TCF4: variants seen among roughly 807,000 people sequenced by gnomAD.
TCF4 encodes the protein transcription factor 4.
Under a neutral mutation model 82.1 loss-of-function variants are expected in TCF4, and 3 were observed. The observed-to-expected ratio is 0.04, with a 90% CI of 0.02 to 0.09. The LOEUF (loss-of-function observed/expected upper bound fraction) is 0.09, where lower values mean the gene tolerates loss of function less well. Ranked by LOEUF, TCF4 falls within the 10% of genes least tolerant of loss-of-function variation. TCF4 has a pLI of 1.00. For missense variants in TCF4, 518 were observed against 852.7 expected, an observed-to-expected ratio of 0.61 and a Z score of 4.89; for synonymous variants, 276 against 309.6, an observed-to-expected ratio of 0.89 and a Z score of 1.14.
At chr18:55,569,017 A>G (rs963191325) in intron 3 of TCF4, among the ~76,000 whole-genome samples, 4 of 152,182 alleles carry the variant, frequency 2.6e-5, no homozygotes, top group African/African-American at 9.6e-5. Flanking sequence ...ATGTAGAAAA[A>G]GTATTTGATA....
rs765415861 is a variant in TCF4, at chr18:55,622,503, T to TAAA, written c.286+8792_286+8794dup. Among the ~76,000 whole-genome samples, 31 of 110,560 alleles carry TAAA rather than the reference T, an allele frequency of 2.8e-4. No individual in the cohort carries two copies. In the South Asian group the frequency reaches 3.9e-3, roughly 14 times the overall value. The allele number at this position is 110,560 out of a possible 152,430, so 72.5% of individuals were successfully genotyped here. ...CTGGCAACAGAGCGAGACTCAATCT[T>TAAA]AAAAAAAAAAAAAAAAAAAAAAGTA... On this transcript the variant is annotated intron_variant, in intron 2 of 20. Transcript: ENST00000398339.
intron 6 of TCF4, among the ~76,000 whole-genome samples, chr18:55,372,780 T>G (rs1486857166): frequency 6.6e-6 from 1 of 152,060 alleles, no homozygotes; most frequent in African/African-American, 2.4e-5. Flanking sequence ...AACCTCAACA[T>G]GAGAGGTAAA....
chr18:55,446,712 C>T (rs1191581161), intron 5 of TCF4, among the ~76,000 whole-genome samples: 3 of 152,104 alleles, frequency 2.0e-5, no homozygotes, highest in African/African-American at 2.4e-5. Context: ...AGGCCAGGCG[C>T]GGTGACTCAC....
intron 9 of TCF4, among the ~76,000 whole-genome samples, chr18:55,276,714 C>T (rs1051255309): frequency 3.9e-5 from 6 of 152,152 alleles, no homozygotes; most frequent in African/African-American, 1.4e-4. Context: ...TAGGTATACA[C>T]TAGGCCATCA....
At chr18:55,590,253 G>T (rs977722783), upstream of TCF4, among the ~76,000 whole-genome samples, 3 of 152,220 alleles carry the variant, frequency 2.0e-5, no homozygotes, top group Admixed American at 1.3e-4. Context: ...TGTGGAGCCA[G>T]ATTTCTCAGC....
At chr18:55,317,272 T>C (rs763484489) in intron 8 of TCF4, among the ~76,000 whole-genome samples, 3 of 152,052 alleles carry the variant, frequency 2.0e-5, no homozygotes, top group Non-Finnish European at 4.4e-5. Flanking sequence ...ATTGAACCAG[T>C]GGGGAATTTA....
chr18:55,374,269 T>C (rs2090144136), intron 6 of TCF4, among the ~76,000 whole-genome samples: 1 of 151,388 alleles, frequency 6.6e-6, no homozygotes, highest in Non-Finnish European at 1.5e-5. Flanking sequence ...TTAAATATGA[T>C]GAATTAATAA....
Position 55,585,093 on chromosome 18 carries a change from T to C in TCF4, c.145+187A>G, listed in dbSNP as rs200205345. 5.9e-5 allele frequency among the ~76,000 whole-genome samples: 9 copies of C among 152,312 alleles called. No homozygotes were observed. In the East Asian group the frequency reaches 1.3e-3, roughly 23 times the overall value. On this transcript the variant is annotated intron_variant, in intron 3 of 19. Transcript: ENST00000354452. ...TTTCCTTGACTTAAAAAAAAAGACCTAATTTTAATCGCACAAGATAACATT... is the reference window on the plus strand; with the variant it reads ...TTTCCTTGACTTAAAAAAAAAGACCCAATTTTAATCGCACAAGATAACATT...
rs80125040 is a variant in TCF4 at position 55,574,184 on chromosome 18, C to T, written c.145+11096G>A. On this transcript the variant is annotated intron_variant, in intron 3 of 19. Transcript: ENST00000354452. ...TTCCATAAGCATTCAAATCCATTCGCCTTCCTTTATATTCACATAGAACAT... is the reference window on the plus strand; with the variant it reads ...TTCCATAAGCATTCAAATCCATTCGTCTTCCTTTATATTCACATAGAACAT... 6.8e-4 allele frequency among the ~76,000 whole-genome samples: 103 copies of T among 152,172 alleles called. 1 individual carries two copies. Among genetic ancestry groups the T allele is most frequent in the Middle Eastern group, 6.8e-3 (2 of 294 alleles).
intron 8 of TCF4, chr18:55,322,391 C>G: frequency 1.0e-6 from 1 of 959,982 alleles, no homozygotes; most frequent in Non-Finnish European, 1.2e-6. Flanking sequence ...CCTGAGAACT[C>G]GACTCGGAGA....
rs1361444592 is a variant in TCF4, at chr18:55,365,191, A to ATATATG, written c.370-14189_370-14188insCATATA. ...TATATATATATATATATATATATAT[A>ATATATG]TGTGTGTGTGTGTGTGTGTATATAT... On this transcript the variant is annotated intron_variant, in intron 6 of 19. Coordinates refer to ENST00000354452, the MANE Select transcript of TCF4 (RefSeq NM_001083962.2). Among the ~76,000 whole-genome samples, 424 of 97,854 alleles carry ATATATG rather than the reference A, an allele frequency of 4.3e-3. 2 individuals are homozygous for ATATATG. Among genetic ancestry groups the ATATATG allele is most frequent in the African/African-American group, 0.01 (204 of 19,814 alleles). The allele number at this position is 97,854 out of a possible 152,430, so 64.2% of individuals were successfully genotyped here.
At position 55,442,599 on chromosome 18, in the gene TCF4, T is replaced by A. The variant is rs534395536; in HGVS notation, c.304+18420A>T. On this transcript the variant is annotated intron_variant, in intron 5 of 19. Coordinates refer to ENST00000354452, the MANE Select transcript of TCF4 (RefSeq NM_001083962.2). ...GGGTGCCAATGCAAAAAATAACACA[T>A]AGGAAGTCAGGATGATTTTTAAAAG... Among the ~76,000 whole-genome samples the A allele has an allele frequency of 4.6e-5, 7 of 152,234 alleles. No individual in the cohort carries two copies. The South Asian group carries it at 1.5e-3, about 32-fold the overall frequency.
chr18:55,619,970 G>A (rs1227472352), intron 2 of TCF4, among the ~76,000 whole-genome samples: 1 of 152,134 alleles, frequency 6.6e-6, no homozygotes, highest in Non-Finnish European at 1.5e-5. Context: ...ACGTGCCAAG[G>A]GAGAGACCAG....
chr18:55,370,419 T>C (rs978396672), intron 6 of TCF4, among the ~76,000 whole-genome samples: 18 of 147,658 alleles, frequency 1.2e-4, no homozygotes, highest in African/African-American at 3.3e-4. Flanking sequence ...TGTAGATAGA[T>C]AGACAGATGA....
intron 1 of TCF4, among the ~76,000 whole-genome samples, chr18:55,587,512 C>T (rs1385827142): frequency 2.0e-5 from 3 of 151,382 alleles, no homozygotes; most frequent in Admixed American, 1.3e-4. Flanking sequence ...GAATGGATCA[C>T]AGAGAAAAGA....
intron 7 of TCF4, 85 bp from the exon 8 acceptor site, chr18:55,350,493 T>G (rs1284889086): frequency 3.6e-6 from 5 of 1,374,226 alleles, no homozygotes; most frequent in African/African-American, 1.4e-5. Context: ...TTCTAGATGA[T>G]ACCACATTTC....
At chr18:55,362,106 G>A (rs1041550286) in intron 6 of TCF4, among the ~76,000 whole-genome samples, 2 of 152,012 alleles carry the variant, frequency 1.3e-5, no homozygotes, top group African/African-American at 4.8e-5. Context: ...GTCTTCTCCT[G>A]TCTTATCTCC....
intron 8 of TCF4, among the ~76,000 whole-genome samples, chr18:55,319,536 G>GATT (rs1316962935): frequency 6.6e-6 from 1 of 152,070 alleles, no homozygotes; most frequent in Non-Finnish European, 1.5e-5. Flanking sequence ...TAACTATAAT[G>GATT]TGTGTACAAT....
intron 8 of TCF4, among the ~76,000 whole-genome samples, chr18:55,313,019 ATC>A (rs1345721936): frequency 6.6e-6 from 1 of 152,212 alleles, no homozygotes; most frequent in African/African-American, 2.4e-5. Flanking sequence ...ATGGAATTTT[ATC>A]TTTTACTCCC....
Sources: allele counts gnomAD v4.1 joint callset (sites outside exome capture counted in the v4.1 genomes callset), GRCh38; gene constraint gnomAD v4.1.1; transcripts MANE v1.5; gene names NCBI Gene and HGNC (gene_info 2026-07-23, HGNC 2026-07-21).